The following ZNF831 variants were observed in gnomAD, a reference collection of about 807,000 sequenced individuals.
The protein encoded by ZNF831 is chromosome 20 open reading frame 174.
Under a neutral mutation model 95.8 loss-of-function variants are expected in ZNF831, and 59 were observed. The ratio of observed to expected loss-of-function variants is 0.62; its 90% CI spans 0.50 to 0.77. The LOEUF is 0.77. ZNF831 is among the 30% of genes least tolerant of loss of function. The pLI, the probability that ZNF831 is intolerant of heterozygous loss-of-function variation, is 0.00. For synonymous variants in ZNF831, 961 were observed against 925.5 expected, an observed-to-expected ratio of 1.04 and a Z score of -0.70; for missense variants, 2,205 against 2,164.0, an observed-to-expected ratio of 1.02 and a Z score of -0.38.
intron 1 of ZNF831, among the ~76,000 whole-genome samples, chr20:59,171,276 CTT>C (rs1257685906): frequency 6.6e-6 from 1 of 152,236 alleles, no homozygotes; most frequent in Non-Finnish European, 1.5e-5. Flanking sequence ...GTTGGAAAAA[CTT>C]AGCACTGTGT....
chr20:59,195,713 G>A (rs1031909231), intron 2 of ZNF831, 156 bp from the exon 3 acceptor site: 2 of 969,184 alleles, frequency 2.1e-6, no homozygotes, highest in African/African-American at 3.5e-5. Flanking sequence ...CCGTTGCCTG[G>A]TTGAACTTCT....
At chr20:59,200,772 A>G (rs1984473238) in intron 3 of ZNF831, among the ~76,000 whole-genome samples, 1 of 151,988 alleles carries the variant, frequency 6.6e-6, no homozygotes, top group African/African-American at 2.4e-5. Context: ...TTCACTCAGT[A>G]TTACTATTTT....
At chr20:59,201,039 A>G (rs1984494755) in intron 3 of ZNF831, among the ~76,000 whole-genome samples, 1 of 152,192 alleles carries the variant, frequency 6.6e-6, no homozygotes, top group Admixed American at 6.5e-5. Context: ...TGTATTATTA[A>G]CTTTTAAAGA....
chr20:59,143,420 G>A (rs968359434), intron 1 of ZNF831, among the ~76,000 whole-genome samples: 10 of 152,172 alleles, frequency 6.6e-5, no homozygotes, highest in African/African-American at 2.2e-4. Flanking sequence ...TTAGCTGGTC[G>A]TCCCTTCCTT....
rs144594680 is a variant in ZNF831, at chr20:59,218,841, C to G, written c.4027+11785C>G. On this transcript the variant is annotated intron_variant, in intron 4 of 5. Coordinates refer to ENST00000371030, the MANE Select transcript of ZNF831 (RefSeq NM_178457.3). ...CAGCCTGGGCAACATGGTGAAACCC[C>G]CTCTCTACTAAAAATATAAAAATTA... 5.6e-3 allele frequency among the ~76,000 whole-genome samples: 853 copies of G among 151,946 alleles called. 12 individuals are homozygous for G. Among genetic ancestry groups the G allele is most frequent in the African/African-American group, 0.019 (795 of 41,426 alleles).
At chr20:59,179,349 C>T (rs1982428234) in intron 1 of ZNF831, among the ~76,000 whole-genome samples, 1 of 152,208 alleles carries the variant, frequency 6.6e-6, no homozygotes, top group South Asian at 2.1e-4. Flanking sequence ...CCATCCGCTT[C>T]TCACTACAGT....
intron 1 of ZNF831, among the ~76,000 whole-genome samples, chr20:59,145,291 T>G (rs1176703812): frequency 6.6e-6 from 1 of 152,152 alleles, no homozygotes; most frequent in East Asian, 1.9e-4. Context: ...CGGAAGATTG[T>G]GTGTGTGTTT....
At chr20:59,186,887 G>A (rs1459744949) in intron 1 of ZNF831, among the ~76,000 whole-genome samples, 8 of 151,790 alleles carry the variant, frequency 5.3e-5, no homozygotes, top group Admixed American at 5.2e-4. Flanking sequence ...GGTCTTCTGG[G>A]TCCTCCCTTC....
At chr20:59,163,713 CTT>C (rs10708774), upstream of ZNF831, among the ~76,000 whole-genome samples, 998 of 135,726 alleles carry the variant, frequency 7.4e-3, 6 homozygotes, top group Middle Eastern at 0.016. Context: ...AGCGGTGGCT[CTT>C]TTTTTTTTTT....
intron 1 of ZNF831, among the ~76,000 whole-genome samples, chr20:59,180,938 A>C (rs1178050376): frequency 6.6e-6 from 1 of 152,228 alleles, no homozygotes; most frequent in Non-Finnish European, 1.5e-5. Flanking sequence ...CAGATCCTTG[A>C]GGAATCGCCA....
Position 59,166,099 on chromosome 20 carries a change from C to A in ZNF831, c.-37+1892C>A, listed in dbSNP as rs374268058. On this transcript the variant is annotated intron_variant, in intron 1 of 5. Transcript: ENST00000371030. ...CTTTGTATTCATAGCAATGTTGGAG[C>A]TTTTCCAGATATGGTAAATGGTAGT... 4.8e-3 allele frequency among the ~76,000 whole-genome samples: 723 copies of A among 152,182 alleles called. 4 individuals carry two copies. Among genetic ancestry groups the A allele is most frequent in the Non-Finnish European group, 8.4e-3 (569 of 68,014 alleles).
intron 1 of ZNF831, among the ~76,000 whole-genome samples, chr20:59,165,796 G>C (rs6128499): frequency 6.6e-6 from 1 of 151,862 alleles, no homozygotes; most frequent in African/African-American, 2.4e-5. Flanking sequence ...CTGTCACCCA[G>C]GTTGGAGTGC....
At chr20:59,172,395 A>G (rs1348013343) in intron 1 of ZNF831, among the ~76,000 whole-genome samples, 1 of 152,160 alleles carries the variant, frequency 6.6e-6, no homozygotes, top group South Asian at 2.1e-4. Context: ...GCCTGTCTCA[A>G]TAGTGGTGTC....
chr20:59,129,860 T>A (rs758898441), intron 1 of ZNF831, among the ~76,000 whole-genome samples: 24 of 152,206 alleles, frequency 1.6e-4, no homozygotes, highest in Non-Finnish European at 3.4e-4. Context: ...TATTGGTGCA[T>A]CCCATGCTCG....
intron 1 of ZNF831, among the ~76,000 whole-genome samples, chr20:59,167,574 A>G (rs532093235): frequency 5.2e-4 from 79 of 152,072 alleles, no homozygotes; most frequent in Non-Finnish European, 8.5e-4. Context: ...CTAAGCTTTT[A>G]CAGTTTTATA....
chr20:59,241,960 G>A (rs966979662), intron 4 of ZNF831, among the ~76,000 whole-genome samples: 1 of 152,274 alleles, frequency 6.6e-6, no homozygotes, highest in South Asian at 2.1e-4. Flanking sequence ...TTCCCCCATC[G>A]TCTTTTGCTG....
intron 3 of ZNF831, among the ~76,000 whole-genome samples, chr20:59,200,856 T>G (rs138025748): frequency 2.0e-5 from 3 of 152,212 alleles, no homozygotes; most frequent in African/African-American, 7.2e-5. Context: ...TGAGTGAGTA[T>G]GTCACAATTT....
rs2146571454 is a variant in ZNF831, at chr20:59,192,775, G to C, written c.1756G>C (p.Asp586His). ...GDALVPAEDTDAKRTAAREAM... is the reference protein window; with the variant it reads ...GDALVPAEDTHAKRTAAREAM... ...TGCCCTGGTGCCCGCAGAGGACACAGACGCAAAGAGAACTGCTGCGCGGGA... is the reference window on the plus strand; with the variant it reads ...TGCCCTGGTGCCCGCAGAGGACACACACGCAAAGAGAACTGCTGCGCGGGA... The change falls in exon 2 of 6, where the codon GAC (aspartate) becomes CAC (histidine). Residue 586 changes from aspartate to histidine, a missense_variant. Coordinates refer to ENST00000371030, the MANE Select transcript of ZNF831 (RefSeq NM_178457.3). This position sits in a 1 kb window ranked among gnomAD's most constrained non-coding sequence, Gnocchi z 5.2. 6.2e-7 allele frequency: 1 copy of C among 1,612,626 alleles called. No homozygotes were observed. The highest frequency in any genetic ancestry group is 8.5e-7 in the Non-Finnish European group (1 of 1,179,830).
intron 3 of ZNF831, among the ~76,000 whole-genome samples, chr20:59,205,313 C>T (rs1984815652): frequency 2.6e-5 from 4 of 152,176 alleles, no homozygotes; most frequent in Non-Finnish European, 1.5e-5. Context: ...TCGCTCCCCA[C>T]CCTGGCTCAG....
Sources: allele counts gnomAD v4.1 joint callset (sites outside exome capture counted in the v4.1 genomes callset), GRCh38; gene constraint gnomAD v4.1.1; non-coding constraint Gnocchi (gnomAD v3.1); transcripts MANE v1.5; gene names NCBI Gene and HGNC (gene_info 2026-07-23, HGNC 2026-07-21).